RALYL: variants seen among roughly 807,000 people sequenced by gnomAD.
RALYL encodes RNA-binding Raly-like protein.
RALYL carries 29 observed loss-of-function variants against 35.1 expected under a neutral mutation model. The observed-to-expected ratio is 0.83, with a 90% CI of 0.61 to 1.13. RALYL has a LOEUF of 1.13. Ranked by LOEUF, RALYL falls within the 50% of genes most tolerant of loss-of-function variation. RALYL has a pLI of 0.00. For missense variants in RALYL, 359 were observed against 360.4 expected (o/e 1.00, Z 0.03); for synonymous variants, 120 against 127.6 (o/e 0.94, Z 0.40).
At chr8:84,750,850 A>G (rs1195353241) in intron 2 of RALYL, among the ~76,000 whole-genome samples, 1 of 152,126 alleles carries the variant, frequency 6.6e-6, no homozygotes, top group Non-Finnish European at 1.5e-5. Context: ...TGGACTTCTC[A>G]GCCTCCATAA....
chr8:84,639,191 T>G (rs1236735408), intron 2 of RALYL, among the ~76,000 whole-genome samples: 2 of 151,676 alleles, frequency 1.3e-5, no homozygotes, highest in Non-Finnish European at 1.5e-5. Context: ...TACAGTTGCT[T>G]GTGCAATAAG....
At chr8:84,756,744 G>A (rs1316810111) in intron 2 of RALYL, among the ~76,000 whole-genome samples, 2 of 151,278 alleles carry the variant, frequency 1.3e-5, no homozygotes, top group African/African-American at 4.9e-5. Context: ...TCATATGTGA[G>A]GCAAAAGCAT....
chr8:84,553,114 A>T (rs2135461863), intron 2 of RALYL, among the ~76,000 whole-genome samples: 1 of 152,252 alleles, frequency 6.6e-6, no homozygotes, highest in East Asian at 1.9e-4. Context: ...ACAAATCTTA[A>T]TCTTAAATAA....
intron 2 of RALYL, among the ~76,000 whole-genome samples, chr8:84,645,756 T>A (rs1827349181): frequency 6.6e-6 from 1 of 152,098 alleles, no homozygotes; most frequent in South Asian, 2.1e-4. Flanking sequence ...TTTTTTCTAT[T>A]CCTTTCACAC....
chr8:84,714,495 A>T (rs190495994), intron 2 of RALYL, among the ~76,000 whole-genome samples: 185 of 151,398 alleles, frequency 1.2e-3, no homozygotes, highest in East Asian at 1.5e-3. Flanking sequence ...AAAACATTAT[A>T]TATATATATA....
chr8:84,466,614 T>G (rs945043335), intron 1 of RALYL, among the ~76,000 whole-genome samples: 6 of 150,400 alleles, frequency 4.0e-5, no homozygotes, highest in African/African-American at 1.5e-4. Flanking sequence ...CTTTTTTTGT[T>G]GTGTCTCTGC....
chr8:84,676,731 A>G (rs1029462581), intron 2 of RALYL, among the ~76,000 whole-genome samples: 5 of 152,236 alleles, frequency 3.3e-5, no homozygotes, highest in African/African-American at 1.2e-4. Flanking sequence ...GGGGAAACAT[A>G]GAAATGAATG....
At chr8:84,662,308 C>T (rs191259845) in intron 2 of RALYL, among the ~76,000 whole-genome samples, 10 of 152,236 alleles carry the variant, frequency 6.6e-5, no homozygotes, top group East Asian at 3.9e-4. Flanking sequence ...CACACATTCA[C>T]ACTAATATAT....
rs112094127 is a variant in RALYL at position 84,214,103 on chromosome 8, A to G, written c.-24+29679A>G. 6.2e-3 allele frequency among the ~76,000 whole-genome samples: 945 copies of G among 152,204 alleles called. 14 individuals are homozygous for G. The highest frequency in any genetic ancestry group is 0.021 in the African/African-American group (860 of 41,534). The stretch of plus-strand genomic sequence containing the variant: ...TTATCAATTGCCACAACCTGTATCT[A>G]GTACTTTAGGCCAATTATTTATAGA... On this transcript the variant is annotated intron_variant, in intron 1 of 8. Coordinates refer to ENST00000521268, the MANE Select transcript of RALYL (RefSeq NM_173848.7).
rs187936527 is a variant in RALYL at position 84,911,574 on chromosome 8, T to C, written c.859-9320T>C. 1.2e-4 allele frequency among the ~76,000 whole-genome samples: 19 copies of C among 152,236 alleles called. No individual in the cohort carries two copies. The East Asian group carries it at 2.9e-3, about 23-fold the overall frequency. On this transcript the variant is annotated intron_variant, in intron 8 of 8. Transcript: ENST00000521268. Reference sequence around the variant, plus strand: ...ACAAAGCAAGCTATTCTCCAGTGGATACCAACTGGGTGTCCTATAGTTGAT... The same window carrying C: ...ACAAAGCAAGCTATTCTCCAGTGGACACCAACTGGGTGTCCTATAGTTGAT...
At chr8:84,457,308 T>C (rs1334718767) in intron 1 of RALYL, among the ~76,000 whole-genome samples, 1 of 152,000 alleles carries the variant, frequency 6.6e-6, no homozygotes, top group Non-Finnish European at 1.5e-5. Context: ...AACCTAGCTC[T>C]GGATAATATA....
At chr8:84,743,741 G>T (rs140384221) in intron 2 of RALYL, among the ~76,000 whole-genome samples, 6 of 152,042 alleles carry the variant, frequency 3.9e-5, no homozygotes, top group African/African-American at 1.4e-4. Context: ...GGAAATTAGA[G>T]AAATATTATG....
At chr8:84,378,067 G>C (rs763936013) in intron 1 of RALYL, among the ~76,000 whole-genome samples, 18 of 151,780 alleles carry the variant, frequency 1.2e-4, no homozygotes, top group Non-Finnish European at 1.6e-4. Flanking sequence ...ATGTTTCCTT[G>C]GATAGATAAA....
At chr8:84,749,215 C>T (rs1229963110) in intron 2 of RALYL, among the ~76,000 whole-genome samples, 1 of 152,068 alleles carries the variant, frequency 6.6e-6, no homozygotes, top group East Asian at 1.9e-4. Flanking sequence ...TACCTTTTTC[C>T]AATGGTTCTC....
At chr8:84,873,241 C>T (rs1028304534) in intron 6 of RALYL, 43 bp from the exon 7 acceptor site, 1 of 1,080,784 alleles carries the variant, frequency 9.3e-7, no homozygotes. Context: ...AGTTATGGTG[C>T]ATTTGATGCT....
chr8:84,312,673 G>T (rs1843030532), intron 1 of RALYL, among the ~76,000 whole-genome samples: 1 of 152,234 alleles, frequency 6.6e-6, no homozygotes, highest in African/African-American at 2.4e-5. Flanking sequence ...CCCAGGGCAT[G>T]CTGATGCAAA....
chr8:84,725,277 T>A (rs1425587540), intron 2 of RALYL, among the ~76,000 whole-genome samples: 1 of 151,748 alleles, frequency 6.6e-6, no homozygotes, highest in Non-Finnish European at 1.5e-5. Flanking sequence ...TACATTGCTA[T>A]GACAAAATAT....
intron 1 of RALYL, among the ~76,000 whole-genome samples, chr8:84,243,256 C>T (rs1828355578): frequency 6.6e-6 from 1 of 152,016 alleles, no homozygotes; most frequent in South Asian, 2.1e-4. Context: ...CATGATGCCT[C>T]CAGCGTGTTT....
chr8:84,605,679 A>G (rs1332935030), intron 2 of RALYL, among the ~76,000 whole-genome samples: 1 of 152,114 alleles, frequency 6.6e-6, no homozygotes, highest in African/African-American at 2.4e-5. Context: ...TAGATTCTGT[A>G]GTGCCATGGG....
Sources: allele counts gnomAD v4.1 joint callset (sites outside exome capture counted in the v4.1 genomes callset), GRCh38; gene constraint gnomAD v4.1.1; transcripts MANE v1.5; gene names NCBI Gene and HGNC (gene_info 2026-07-23, HGNC 2026-07-21).